Variants in MPDZ observed in about 807,000 individuals in gnomAD.
MPDZ encodes the protein multiple PDZ domain protein.
In MPDZ, 234 loss-of-function variants were observed where a neutral mutation model predicts 239.1. The ratio of observed to expected loss-of-function variants is 0.98; its 90% CI spans 0.88 to 1.09. MPDZ has a LOEUF of 1.09. Among genes scored for constraint, MPDZ ranks in the 50% least tolerant of loss-of-function variants. The pLI, the probability that MPDZ is intolerant of heterozygous loss-of-function variation, is 0.00. For synonymous variants in MPDZ, 1,048 were observed against 881.3 expected, an observed-to-expected ratio of 1.19 and a Z score of -3.35; for missense variants, 3,175 against 2,510.0, an observed-to-expected ratio of 1.26 and a Z score of -5.66.
At chr9:13,113,595 A>C (rs561660018) in intron 41 of MPDZ, among the ~76,000 whole-genome samples, 36 of 152,322 alleles carry the variant, frequency 2.4e-4, no homozygotes, top group Admixed American at 6.5e-4. Flanking sequence ...TCATGGAAAA[A>C]GAAGGCTTCA....
intron 22 of MPDZ, among the ~76,000 whole-genome samples, chr9:13,164,180 G>A (rs1587417906): frequency 6.6e-6 from 1 of 152,118 alleles, no homozygotes; most frequent in African/African-American, 2.4e-5. Flanking sequence ...TACCTCAAAG[G>A]TCAAAAACTG....
chr9:13,116,953 T>C (rs979675579), intron 39 of MPDZ, among the ~76,000 whole-genome samples: 4 of 152,086 alleles, frequency 2.6e-5, no homozygotes, highest in Admixed American at 1.3e-4. Context: ...CCCTTTATTA[T>C]AGGGGGGAAT....
At chr9:13,172,490 C>T (rs1430573773) in intron 21 of MPDZ, among the ~76,000 whole-genome samples, 1 of 151,254 alleles carries the variant, frequency 6.6e-6, no homozygotes, top group African/African-American at 2.4e-5. Flanking sequence ...TCAAGGGATT[C>T]TCCTGCCTCA....
chr9:13,234,363 A>G (rs4741292), intron 3 of MPDZ, among the ~76,000 whole-genome samples: 147,230 of 152,106 alleles, frequency 0.97, 71,427 homozygotes, highest in East Asian at 1. Flanking sequence ...AAGTGAAAAG[A>G]AAGTTAATAT....
At chr9:13,129,271 T>A (rs1423240775) in intron 32 of MPDZ, among the ~76,000 whole-genome samples, 1 of 152,028 alleles carries the variant, frequency 6.6e-6, no homozygotes, top group African/African-American at 2.4e-5. Context: ...AAGACCAGCC[T>A]GGCCAACATG....
chr9:13,133,785 G>T, intron 32 of MPDZ, 39 bp downstream of exon 32: 1 of 1,378,076 alleles, frequency 7.3e-7, no homozygotes, highest in South Asian at 1.2e-5. Context: ...TGAGGTAAAG[G>T]AACTCACATC....
At chr9:13,194,073 C>T (rs1955312490) in intron 13 of MPDZ, among the ~76,000 whole-genome samples, 1 of 152,122 alleles carries the variant, frequency 6.6e-6, no homozygotes, top group African/African-American at 2.4e-5. Context: ...ATCACTTCCC[C>T]TGAGAATGTC....
intron 3 of MPDZ, among the ~76,000 whole-genome samples, chr9:13,237,163 C>A (rs977802401): frequency 5.9e-5 from 9 of 151,908 alleles, no homozygotes; most frequent in African/African-American, 2.2e-4. Context: ...GGTAAGCAGG[C>A]CAGGAGCGGT....
At chr9:13,158,175 C>G (rs919870890) in intron 23 of MPDZ, 65 bp from the exon 24 acceptor site, 1 of 1,231,480 alleles carries the variant, frequency 8.1e-7, no homozygotes, top group Non-Finnish European at 1.2e-6. Context: ...ATTATATGTA[C>G]TCTACTATTG....
At chr9:13,143,362 GCC>G (rs1947980563) in intron 27 of MPDZ, 102 bp downstream of exon 27, 1 of 847,142 alleles carries the variant, frequency 1.2e-6, no homozygotes, top group East Asian at 2.5e-5. Context: ...TTTTTTCCCT[GCC>G]CAAATGTAGC....
intron 25 of MPDZ, 137 bp from the exon 26 acceptor site, chr9:13,147,795 G>A: frequency 1.6e-6 from 1 of 630,720 alleles, no homozygotes; most frequent in Admixed American, 2.9e-5. Context: ...GAGACTACAT[G>A]TGAAGCTGCA....
intron 32 of MPDZ, among the ~76,000 whole-genome samples, chr9:13,130,567 A>G (rs1335136604): frequency 6.6e-6 from 1 of 152,232 alleles, no homozygotes; most frequent in African/African-American, 2.4e-5. Flanking sequence ...ATCAAAGTTC[A>G]TCACAGGAGA....
chr9:13,115,355 T>A, intron 39 of MPDZ, 21 bp from the exon 40 acceptor site: 1 of 1,572,336 alleles, frequency 6.4e-7, no homozygotes, highest in Non-Finnish European at 8.7e-7. Flanking sequence ...GCATGGGGGG[T>A]GTTTTATGGA....
At chr9:13,253,507 A>C (rs1968647437) in intron 1 of MPDZ, among the ~76,000 whole-genome samples, 1 of 152,204 alleles carries the variant, frequency 6.6e-6, no homozygotes, top group Admixed American at 6.5e-5. Context: ...GATAGAGTCC[A>C]TTCCCTTCAA....
Position 13,175,798 on chromosome 9 carries a change from T to G in MPDZ, c.3009A>C (p.Glu1003Asp). ...ECVMLQNVSK[E>D]SFERTINIAK... ...CTATATTAATAGTCCTTTCAAAAGA[T>G]TCTTTAGATACATTTTGAAGCATGA... Residue 1003 changes from glutamate (E) to aspartate (D), a missense_variant, in exon 21 of 47, where the codon GAA becomes GAC. By Grantham distance (45) the Glu-to-Asp change is conservative. Coordinates refer to ENST00000319217, the MANE Select transcript of MPDZ (RefSeq NM_001378778.1). 6.3e-7 allele frequency: 1 copy of G among 1,578,084 alleles called. No individual in the cohort carries two copies. The highest frequency in any genetic ancestry group is 8.6e-7 in the Non-Finnish European group (1 of 1,160,650).
At chr9:13,215,753 GTTT>G (rs56281339) in intron 10 of MPDZ, among the ~76,000 whole-genome samples, 4 of 89,052 alleles carry the variant, frequency 4.5e-5, no homozygotes, top group African/African-American at 1.3e-4. Flanking sequence ...TCTATTGCAG[GTTT>G]TTTTTTTTTT....
At position 13,175,906 on chromosome 9, in the gene MPDZ, C is replaced by T. The variant is rs376705538; in HGVS notation, c.2932-31G>A. The T allele has an allele frequency of 1.4e-5, 22 of 1,568,232 alleles. No individual in the cohort carries two copies. In the African/African-American group the frequency reaches 3.0e-4, roughly 21 times the overall value. On this transcript the variant is annotated intron_variant, in intron 20 of 46. Transcript: ENST00000319217. ...AGAAAGAAAAAGAAGTCACAAGTCA[C>T]ATGGAAAGGGAAACTAGACTTTGGA...
intron 1 of MPDZ, among the ~76,000 whole-genome samples, chr9:13,278,186 A>G (rs187951963): frequency 6.6e-6 from 1 of 152,320 alleles, no homozygotes; most frequent in Non-Finnish European, 1.5e-5. Flanking sequence ...CTATGACATC[A>G]AGGAACATGG....
chr9:13,187,699 C>T (rs1211859399), intron 17 of MPDZ, among the ~76,000 whole-genome samples: 1 of 152,046 alleles, frequency 6.6e-6, no homozygotes, highest in African/African-American at 2.4e-5. Flanking sequence ...AATTCTTTCA[C>T]AAAAATCAAC....
Sources: gnomAD v4.1 joint callset for allele counts (sites outside exome capture counted in the v4.1 genomes callset) on GRCh38, gnomAD v4.1.1 for gene constraint, MANE v1.5 for transcripts, NCBI Gene and HGNC (gene_info 2026-07-23, HGNC 2026-07-21) for gene names.